Variants in CPNE4 observed in about 807,000 individuals in gnomAD.
CPNE4 encodes the protein copine 4.
Under a neutral mutation model 67.9 loss-of-function variants are expected in CPNE4, and 25 were observed. The observed-to-expected ratio is 0.37, with a 90% CI of 0.27 to 0.51. CPNE4 has a LOEUF of 0.51. Ranked by LOEUF, CPNE4 falls within the 20% of genes least tolerant of loss-of-function variation. The pLI, the probability that CPNE4 is intolerant of heterozygous loss-of-function variation, is 0.93. For synonymous variants in CPNE4, 242 were observed against 244.9 expected (o/e 0.99, Z 0.11); for missense variants, 464 against 690.8 (o/e 0.67, Z 3.68).
At chr3:131,819,580 C>T (rs770202532) in intron 2 of CPNE4, among the ~76,000 whole-genome samples, 4 of 151,806 alleles carry the variant, frequency 2.6e-5, no homozygotes, top group Non-Finnish European at 5.9e-5. Flanking sequence ...ATTAGATGTT[C>T]CCTAGGAGTG....
At chr3:131,763,957 G>T (rs890338397) in intron 2 of CPNE4, among the ~76,000 whole-genome samples, 1 of 151,892 alleles carries the variant, frequency 6.6e-6, no homozygotes, top group Non-Finnish European at 1.5e-5. Context: ...TATGTGCCAG[G>T]GTCTCTAAGC....
intron 1 of CPNE4, among the ~76,000 whole-genome samples, chr3:132,010,024 A>G (rs2073711335): frequency 1.3e-5 from 2 of 152,222 alleles, no homozygotes; most frequent in African/African-American, 4.8e-5. Flanking sequence ...CTGCAGCCTC[A>G]TTGCACTAGC....
At position 131,724,750 on chromosome 3, in the gene CPNE4, G is replaced by A. The variant is rs957540242; in HGVS notation, c.181-1125C>T. 1.4e-4 allele frequency among the ~76,000 whole-genome samples: 21 copies of A among 152,104 alleles called. 1 individual carries two copies. Among genetic ancestry groups the A allele is most frequent in the Admixed American group, 8.5e-4 (13 of 15,278 alleles). ...CTGTTGTTGCTATCTCTGATGTCTC[G>A]GATGCCTCACTTTCTTTCTTGGCTC... On this transcript the variant is annotated intron_variant, in intron 2 of 15. Transcript: ENST00000429747.
At chr3:131,863,396 C>T (rs1050134620) in intron 2 of CPNE4, among the ~76,000 whole-genome samples, 3 of 152,142 alleles carry the variant, frequency 2.0e-5, no homozygotes, top group Non-Finnish European at 4.4e-5. Context: ...TTAATGATCG[C>T]CATTCTAACT....
At chr3:131,992,392 C>T (rs1220171163) in intron 1 of CPNE4, among the ~76,000 whole-genome samples, 1 of 136,764 alleles carries the variant, frequency 7.3e-6, no homozygotes, top group Non-Finnish European at 1.7e-5. Flanking sequence ...AATGACTGCC[C>T]TATTGGATTT....
intron 10 of CPNE4, among the ~76,000 whole-genome samples, chr3:131,573,298 G>A (rs1222901221): frequency 2.0e-5 from 3 of 152,034 alleles, no homozygotes; most frequent in African/African-American, 7.2e-5. Flanking sequence ...TCTATCAGTT[G>A]ACACTGGAGG....
rs532287854 is a variant in CPNE4 at position 131,903,256 on chromosome 3, C to G, written c.180+2008G>C. Among the ~76,000 whole-genome samples, 12 of 152,182 alleles carry G rather than the reference C, an allele frequency of 7.9e-5. No individual in the cohort carries two copies. In the South Asian group the frequency reaches 2.5e-3, roughly 32 times the overall value. On this transcript the variant is annotated intron_variant, in intron 2 of 15. Transcript: ENST00000429747. ...ACAGGTCTATTTGTGCTCTGATCAG[C>G]ATGGCTTCAAATCCCTTATTCTGAG...
Position 131,693,046 on chromosome 3 carries a change from T to C in CPNE4, c.507+3496A>G, listed in dbSNP as rs183382378. 2.6e-3 allele frequency among the ~76,000 whole-genome samples: 401 copies of C among 152,328 alleles called. 2 individuals carry two copies. The highest frequency in any genetic ancestry group is 2.5e-3 in the Non-Finnish European group (169 of 68,026). On this transcript the variant is annotated intron_variant, in intron 5 of 15. Transcript: ENST00000429747. ...ATTGCATTAACATTAGATAAATAAG[T>C]TATTTATCACAAACCTAAGCTATTT...
At chr3:131,536,891 T>C (rs1459848701) in intron 15 of CPNE4, among the ~76,000 whole-genome samples, 1 of 152,206 alleles carries the variant, frequency 6.6e-6, no homozygotes, top group East Asian at 1.9e-4. Flanking sequence ...GAAAGTCAAA[T>C]CCTTGATTTT....
intron 1 of CPNE4, among the ~76,000 whole-genome samples, chr3:131,932,268 C>G (rs974405972): frequency 1.1e-4 from 16 of 152,160 alleles, no homozygotes; most frequent in Non-Finnish European, 1.5e-5. Context: ...AGTATAGAAT[C>G]CTGAAAGGAA....
intron 2 of CPNE4, among the ~76,000 whole-genome samples, chr3:131,849,990 T>A (rs978573868): frequency 2.2e-4 from 33 of 152,178 alleles, no homozygotes; most frequent in African/African-American, 8.0e-4. Flanking sequence ...GTCTGTGCTG[T>A]AACTCTATTC....
intron 7 of CPNE4, among the ~76,000 whole-genome samples, chr3:131,598,900 C>T (rs56197606): frequency 0.14 from 20,306 of 146,354 alleles, 1,968 homozygotes; most frequent in African/African-American, 0.27. Context: ...GGAGGAGCCT[C>T]GCTGGGTTTA....
At chr3:131,879,477 G>T (rs933054723) in intron 2 of CPNE4, among the ~76,000 whole-genome samples, 2 of 152,098 alleles carry the variant, frequency 1.3e-5, no homozygotes, top group Non-Finnish European at 2.9e-5. Context: ...CAGGTTTAAG[G>T]CTGTATCAGG....
intron 7 of CPNE4, among the ~76,000 whole-genome samples, chr3:131,604,110 G>T (rs1445040894): frequency 6.6e-6 from 1 of 151,960 alleles, no homozygotes; most frequent in African/African-American, 2.4e-5. Context: ...TCTGTTCTAT[G>T]TCACTGGATC....
intron 7 of CPNE4, among the ~76,000 whole-genome samples, chr3:131,628,324 C>A (rs1186226515): frequency 1.3e-5 from 2 of 152,160 alleles, no homozygotes; most frequent in African/African-American, 4.8e-5. Context: ...GCCTCAGAAT[C>A]ATGGTGGGAG....
chr3:131,641,526 T>C (rs2079541003), intron 7 of CPNE4, among the ~76,000 whole-genome samples: 1 of 152,104 alleles, frequency 6.6e-6, no homozygotes, highest in Non-Finnish European at 1.5e-5. Context: ...GATTTTGGTG[T>C]GGATGCAATG....
chr3:131,958,351 C>G (rs561370939), intron 1 of CPNE4, among the ~76,000 whole-genome samples: 2 of 152,274 alleles, frequency 1.3e-5, no homozygotes, highest in African/African-American at 4.8e-5. Context: ...CACCAATGGT[C>G]TCAGTGTGGT....
chr3:131,923,397 G>A (rs1014161877), intron 1 of CPNE4, among the ~76,000 whole-genome samples: 1 of 152,098 alleles, frequency 6.6e-6, no homozygotes, highest in African/African-American at 2.4e-5. Flanking sequence ...GAGAGGCAGG[G>A]GATGTGCAGA....
chr3:131,710,530 G>C (rs2081531341), intron 3 of CPNE4, among the ~76,000 whole-genome samples: 1 of 152,156 alleles, frequency 6.6e-6, no homozygotes, highest in African/African-American at 2.4e-5. Context: ...AATTGAAAGT[G>C]GCTTAGTAGG....
Sources: gnomAD v4.1 joint callset for allele counts (sites outside exome capture counted in the v4.1 genomes callset) on GRCh38, gnomAD v4.1.1 for gene constraint, MANE v1.5 for transcripts, NCBI Gene and HGNC (gene_info 2026-07-23, HGNC 2026-07-21) for gene names.